SH3PXD2A: variants seen among roughly 807,000 people sequenced by gnomAD.
The protein encoded by SH3PXD2A is SH3 and PX domain-containing protein 2A.
A neutral mutation model predicts 115.2 loss-of-function variants in SH3PXD2A; 32 were observed. The ratio of observed to expected loss-of-function variants is 0.28; its 90% CI spans 0.21 to 0.37. The LOEUF is 0.37. Among genes scored for constraint, SH3PXD2A ranks in the 10% least tolerant of loss-of-function variants. The pLI, the probability that SH3PXD2A is intolerant of heterozygous loss-of-function variation, is 1.00. For synonymous variants in SH3PXD2A, 610 were observed against 629.1 expected, an observed-to-expected ratio of 0.97 and a Z score of 0.45; for missense variants, 1,328 against 1,498.7, an observed-to-expected ratio of 0.89 and a Z score of 1.88.
At position 103,612,878 on chromosome 10, in the gene SH3PXD2A, C is replaced by A. The variant is rs748805333; in HGVS notation, c.1233G>T (p.Arg411Ser). The A allele has an allele frequency of 6.3e-7, 1 of 1,583,740 alleles. No individual in the cohort carries two copies. The highest frequency in any genetic ancestry group is 2.2e-5 in the East Asian group (1 of 44,668). ...RLAQGSPAVA[R>S]IAPQRAQISS... ...TGATCTGGGCCCGCTGAGGGGCAAT[C>A]CTGGCCACAGCTGGAGAGCCCTGGG... The change falls in exon 12 of 15, where the codon AGG becomes AGT. Residue 411 changes from arginine to serine, a missense_variant. Physicochemically the swap from Arg to Ser is moderately radical, Grantham distance 110. Transcript: ENST00000369774.
intron 2 of SH3PXD2A, among the ~76,000 whole-genome samples, chr10:103,776,738 G>A (rs976911302): frequency 3.9e-5 from 6 of 152,110 alleles, no homozygotes; most frequent in Non-Finnish European, 5.9e-5. Flanking sequence ...CTCTCCCTGC[G>A]TGTGTGTCTG....
rs986475339 is a variant in SH3PXD2A at position 103,620,248 on chromosome 10, G to A, written c.802+2222C>T. Among the ~76,000 whole-genome samples, 1 of 152,210 alleles carries A rather than the reference G, an allele frequency of 6.6e-6. No individual in the cohort carries two copies. The highest frequency in any genetic ancestry group is 2.4e-5 in the African/African-American group (1 of 41,456). ...CGGGCTTCTGGGAAGCACTGGGGCC[G>A]TGAACACTGACCACGCCACCAGGAG... On this transcript the variant is annotated intron_variant, in intron 10 of 14. Transcript: ENST00000369774. This position sits in a 1 kb window ranked among gnomAD's most constrained non-coding sequence, Gnocchi z 5.3.
intron 8 of SH3PXD2A, among the ~76,000 whole-genome samples, chr10:103,640,490 G>T (rs1316571619): frequency 1.3e-5 from 2 of 152,038 alleles, no homozygotes; most frequent in Non-Finnish European, 2.9e-5. Context: ...CAGAGGTAGG[G>T]ACAGCATGGA....
chr10:103,662,386 C>T (rs1221642702), intron 7 of SH3PXD2A, among the ~76,000 whole-genome samples: 25 of 39,706 alleles, frequency 6.3e-4, no homozygotes, highest in South Asian at 2.1e-3. Context: ...ATATGATGTG[C>T]TTTTTTTTTT....
chr10:103,672,166 T>C (rs2037472725), intron 6 of SH3PXD2A, among the ~76,000 whole-genome samples: 1 of 152,176 alleles, frequency 6.6e-6, no homozygotes, highest in African/African-American at 2.4e-5. Flanking sequence ...GCATCTGTAA[T>C]CCCAGCTACT....
intron 8 of SH3PXD2A, among the ~76,000 whole-genome samples, chr10:103,649,753 G>A (rs762283301): frequency 2.6e-5 from 4 of 152,234 alleles, no homozygotes; most frequent in East Asian, 1.9e-4. Context: ...TGAGAATGCC[G>A]CTTAAAAGTA....
chr10:103,707,730 C>T (rs189112422), intron 5 of SH3PXD2A, among the ~76,000 whole-genome samples: 1 of 152,222 alleles, frequency 6.6e-6, no homozygotes, highest in East Asian at 1.9e-4. Flanking sequence ...ACTCCCATGT[C>T]CCAGAAGAGG....
intron 6 of SH3PXD2A, among the ~76,000 whole-genome samples, chr10:103,683,726 T>A (rs976354754): frequency 2.0e-5 from 3 of 152,068 alleles, no homozygotes; most frequent in Admixed American, 1.3e-4. Flanking sequence ...CAGCTCCACA[T>A]CCTTACTCAT....
At chr10:103,852,880 G>A (rs1842909138) in intron 1 of SH3PXD2A, among the ~76,000 whole-genome samples, 1 of 144,102 alleles carries the variant, frequency 6.9e-6, no homozygotes, top group African/African-American at 2.4e-5. Flanking sequence ...TAGGGTACAT[G>A]CAATGAAAAA....
chr10:103,730,340 G>A (rs546207314), intron 4 of SH3PXD2A, among the ~76,000 whole-genome samples: 17 of 149,704 alleles, frequency 1.1e-4, no homozygotes, highest in Non-Finnish European at 1.8e-4. Context: ...GTAAAAGCCC[G>A]GCCGCGCTGG....
intron 2 of SH3PXD2A, among the ~76,000 whole-genome samples, chr10:103,790,832 G>A (rs938799527): frequency 2.0e-5 from 3 of 152,210 alleles, no homozygotes; most frequent in African/African-American, 7.2e-5. Context: ...ATAGCAACAT[G>A]AGTGCCAGAT....
At chr10:103,721,099 T>C (rs2038176388) in intron 5 of SH3PXD2A, among the ~76,000 whole-genome samples, 1 of 152,184 alleles carries the variant, frequency 6.6e-6, no homozygotes, top group African/African-American at 2.4e-5. Context: ...AGCGGCCAAA[T>C]GCTTCACAGC....
chr10:103,840,162 C>T (rs1449534917), intron 1 of SH3PXD2A, among the ~76,000 whole-genome samples: 2 of 152,220 alleles, frequency 1.3e-5, no homozygotes, highest in African/African-American at 4.8e-5. Flanking sequence ...CTCATTCCAA[C>T]AATAAACTGA....
intron 5 of SH3PXD2A, among the ~76,000 whole-genome samples, chr10:103,699,077 G>A (rs1475762206): frequency 2.0e-5 from 3 of 152,126 alleles, no homozygotes; most frequent in Non-Finnish European, 2.9e-5. Flanking sequence ...CCTGGCTGGA[G>A]GAAAATTTTG....
At chr10:103,638,332 G>A (rs1277228193) in intron 8 of SH3PXD2A, among the ~76,000 whole-genome samples, 1 of 152,232 alleles carries the variant, frequency 6.6e-6, no homozygotes, top group Non-Finnish European at 1.5e-5. Context: ...AGCCTGGGCT[G>A]CTGCCACCTT....
chr10:103,788,970 G>T (rs1368437520), intron 2 of SH3PXD2A, among the ~76,000 whole-genome samples: 1 of 152,150 alleles, frequency 6.6e-6, no homozygotes, highest in Non-Finnish European at 1.5e-5. Context: ...AGCCTGGGGC[G>T]GGGGCTGCTG....
intron 7 of SH3PXD2A, among the ~76,000 whole-genome samples, chr10:103,662,391 T>C (rs1198914272): frequency 8.1e-6 from 1 of 123,464 alleles, no homozygotes; most frequent in Admixed American, 7.8e-5. Flanking sequence ...ATGTGCTTTT[T>C]TTTTTTTTTT....
intron 2 of SH3PXD2A, among the ~76,000 whole-genome samples, chr10:103,787,447 AGT>A (rs2038991120): frequency 6.6e-6 from 1 of 152,216 alleles, no homozygotes; most frequent in Admixed American, 6.5e-5. Context: ...GCCTGGCCCC[AGT>A]CTCTTCTGTC....
At chr10:103,654,396 G>A (rs1379958062) in intron 8 of SH3PXD2A, among the ~76,000 whole-genome samples, 1 of 152,072 alleles carries the variant, frequency 6.6e-6, no homozygotes, top group Non-Finnish European at 1.5e-5. Flanking sequence ...ATACCACCAA[G>A]TCAGTTCTAT....
Sources: gnomAD v4.1 joint callset for allele counts (sites outside exome capture counted in the v4.1 genomes callset) on GRCh38, gnomAD v4.1.1 for gene constraint, Gnocchi (gnomAD v3.1) non-coding constraint, MANE v1.5 for transcripts, NCBI Gene and HGNC (gene_info 2026-07-23, HGNC 2026-07-21) for gene names.